FOXO3: variants seen among roughly 807,000 people sequenced by gnomAD.
FOXO3 encodes forkhead box protein O3.
In FOXO3, 4 loss-of-function variants were observed where a neutral mutation model predicts 41.9. That is an observed-to-expected ratio of 0.10 (90% CI 0.05 to 0.22). The LOEUF (loss-of-function observed/expected upper bound fraction) is 0.22. FOXO3 is among the 10% of genes least tolerant of loss of function. The pLI, the probability that FOXO3 is intolerant of heterozygous loss-of-function variation, is 1.00. For missense variants in FOXO3, 534 were observed against 906.8 expected, an observed-to-expected ratio of 0.59 and a Z score of 5.28; for synonymous variants, 318 against 389.3, an observed-to-expected ratio of 0.82 and a Z score of 2.16.
Position 108,561,540 on chromosome 6 carries a change from G to A in FOXO3, c.332G>A (p.Gly111Glu). The A allele has an allele frequency of 7.0e-7, 1 of 1,438,526 alleles. No homozygotes were observed. Among genetic ancestry groups the A allele is most frequent in the Non-Finnish European group, 9.1e-7 (1 of 1,104,286 alleles). The allele number at this position is 1,438,526 out of a possible 1,614,324, so 89.1% of individuals were successfully genotyped here. ...LAPGGQDPGS[G>E]PATAAGGLSG... is the part of the protein sequence containing the mutation. Reference sequence around the variant, plus strand: ...CCCGGAGGGCAAGACCCCGGGTCTGGGCCAGCCACCGCGGCGGGCGGGCTG... The same window carrying A: ...CCCGGAGGGCAAGACCCCGGGTCTGAGCCAGCCACCGCGGCGGGCGGGCTG... The change falls in exon 1 of 3, where the codon GGG (glycine) becomes GAG (glutamate). Residue 111 changes from glycine to glutamate, a missense_variant. Gly to Glu is a moderately conservative substitution (Grantham distance 98). Transcript: ENST00000406360.
chr6:108,666,502 AT>A (rs772194341), intron 2 of FOXO3, among the ~76,000 whole-genome samples: 565 of 141,338 alleles, frequency 4.0e-3, no homozygotes, highest in Middle Eastern at 3.8e-3. Flanking sequence ...CGCCTGGCTA[AT>A]TTTTTTTTTT....
chr6:108,561,390 A>G lies in FOXO3; in HGVS notation c.182A>G (p.Glu61Gly). 6.5e-7 allele frequency: 1 copy of G among 1,550,098 alleles called. No individual in the cohort carries two copies. Among genetic ancestry groups the G allele is most frequent in the Non-Finnish European group, 8.7e-7 (1 of 1,149,600 alleles). ...TAADSMIPEE[E>G]DDEDDEDGGG... is the part of the protein sequence containing the mutation. Reference sequence around the variant, plus strand: ...GCCGACTCCATGATCCCCGAGGAGGAGGACGATGAAGACGACGAGGACGGC... The same window carrying G: ...GCCGACTCCATGATCCCCGAGGAGGGGGACGATGAAGACGACGAGGACGGC... Residue 61 changes from glutamate to glycine, a missense_variant, in exon 1 of 3, where the codon GAG (glutamate) becomes GGG (glycine). By Grantham distance (98) the Glu-to-Gly change is moderately conservative. Around this residue, in one of 8 missense-constraint regions of FOXO3, gnomAD observed 139 missense variants for 163.7 expected, o/e 0.85. Transcript: ENST00000406360.
chr6:108,602,421 C>T (rs1300192688), intron 1 of FOXO3, among the ~76,000 whole-genome samples: 2 of 152,140 alleles, frequency 1.3e-5, no homozygotes, highest in Non-Finnish European at 2.9e-5. Context: ...TTTCCAATCC[C>T]ACTTGGCCTA....
At chr6:108,562,838 C>T (rs1208097206) in intron 1 of FOXO3, among the ~76,000 whole-genome samples, 1 of 152,088 alleles carries the variant, frequency 6.6e-6, no homozygotes, top group East Asian at 1.9e-4. Flanking sequence ...ACTCCTCTGC[C>T]CCTGCTGGGC....
At chr6:108,617,717 TG>T (rs1018214923) in intron 1 of FOXO3, among the ~76,000 whole-genome samples, 11 of 151,490 alleles carry the variant, frequency 7.3e-5, no homozygotes, top group African/African-American at 2.7e-4. Flanking sequence ...TAATGGAGAG[TG>T]GGGGTGTTTT....
chr6:108,565,702 T>C (rs907969884), intron 1 of FOXO3, among the ~76,000 whole-genome samples: 1 of 152,216 alleles, frequency 6.6e-6, no homozygotes, highest in African/African-American at 2.4e-5. Flanking sequence ...CATGTAAGAA[T>C]GTGTATTGTT....
At chr6:108,632,878 G>A (rs1381212559) in intron 1 of FOXO3, among the ~76,000 whole-genome samples, 1 of 152,162 alleles carries the variant, frequency 6.6e-6, no homozygotes, top group East Asian at 1.9e-4. Context: ...TGGTTTATGT[G>A]TGTTTTATAA....
intron 1 of FOXO3, among the ~76,000 whole-genome samples, chr6:108,643,087 A>G (rs1295124529): frequency 2.0e-5 from 3 of 152,246 alleles, no homozygotes; most frequent in African/African-American, 7.2e-5. Flanking sequence ...TTCCAAATCC[A>G]AAGAGACTAA....
intron 1 of FOXO3, among the ~76,000 whole-genome samples, chr6:108,636,581 A>G (rs1026358918): frequency 8.5e-5 from 13 of 152,098 alleles, no homozygotes; most frequent in Non-Finnish European, 1.5e-4. Flanking sequence ...GAAGGCGGTG[A>G]CTAGACCAGA....
intron 2 of FOXO3, among the ~76,000 whole-genome samples, chr6:108,665,437 A>G (rs953144241): frequency 6.6e-6 from 1 of 152,200 alleles, no homozygotes; most frequent in African/African-American, 2.4e-5. Flanking sequence ...TCTTTCATAT[A>G]TGAATATTTC....
At chr6:108,572,959 A>T in intron 1 of FOXO3, among the ~76,000 whole-genome samples, 1 of 150,694 alleles carries the variant, frequency 6.6e-6, no homozygotes, top group Non-Finnish European at 1.5e-5. Flanking sequence ...TGTCTCCTGG[A>T]GTGTGGGTGG....
rs1443534297 is a variant in FOXO3 at position 108,683,336 on chromosome 6, T to C, written c.*3544T>C. The stretch of plus-strand genomic sequence containing the variant: ...TCCAAACTTGTACGCAGTTTAAAGA[T>C]GGTGGGGACAGACTTTGCCTCTACC... On this transcript the variant is annotated 3_prime_UTR_variant, in exon 3 of 3. Coordinates refer to ENST00000406360, the MANE Select transcript of FOXO3 (RefSeq NM_001455.4). 7 of 152,190 alleles carry C rather than the reference T, an allele frequency of 4.6e-5. No homozygotes were observed. Among genetic ancestry groups the C allele is most frequent in the Non-Finnish European group, 1.0e-4 (7 of 68,044 alleles). 9.4% of individuals were successfully genotyped at this position (152,190 alleles called of 1,614,324 possible). A position where few individuals can be genotyped will look rare whatever the true frequency, so the allele number is the denominator to read the frequency against.
chr6:108,678,890 T>TTTTTTTA (rs368405598), intron 2 of FOXO3, among the ~76,000 whole-genome samples: 1 of 115,416 alleles, frequency 8.7e-6, no homozygotes, highest in Non-Finnish European at 1.8e-5. Flanking sequence ...TTTTTTTTTT[T>TTTTTTTA]TGAGACGGAG....
chr6:108,578,007 G>T (rs1173369879), intron 1 of FOXO3, among the ~76,000 whole-genome samples: 1 of 152,164 alleles, frequency 6.6e-6, no homozygotes, highest in African/African-American at 2.4e-5. Context: ...AGAAGAGATG[G>T]TGCTGTTTTA....
In FOXO3 at chr6:108,642,320, GGCTCAA is replaced by G. The variant is rs369433743; in HGVS notation, c.622-21133_622-21128del. On this transcript the variant is annotated intron_variant, in intron 1 of 2. Coordinates refer to ENST00000406360, the MANE Select transcript of FOXO3 (RefSeq NM_001455.4). ...TGCCAAGACTGATATCAAACTCCTG[GGCTCAA>G]GTGATCCTCTATCCTTGACCTCCCA... 9.3e-4 allele frequency among the ~76,000 whole-genome samples: 142 copies of G among 152,078 alleles called. 1 individual carries two copies. The highest frequency in any genetic ancestry group is 8.7e-3 in the South Asian group (42 of 4,812).
intron 1 of FOXO3, among the ~76,000 whole-genome samples, chr6:108,585,022 CT>C (rs1159028928): frequency 3.0e-3 from 153 of 51,486 alleles, no homozygotes; most frequent in African/African-American, 0.011. Context: ...TCTCCAAAAT[CT>C]TTTTTTTTTT....
At chr6:108,635,037 A>G (rs867285969) in intron 1 of FOXO3, among the ~76,000 whole-genome samples, 1 of 151,726 alleles carries the variant, frequency 6.6e-6, no homozygotes, top group African/African-American at 2.4e-5. Context: ...GGTGGCTCAC[A>G]CCTGTAATCC....
At position 108,562,439 on chromosome 6, in the gene FOXO3, AC is replaced by A. The variant is rs971429726; in HGVS notation, c.621+612del. Among the ~76,000 whole-genome samples the A allele has an allele frequency of 6.0e-5, 9 of 150,490 alleles. No homozygotes were observed. In the East Asian group the frequency reaches 1.8e-3, roughly 30 times the overall value. The stretch of plus-strand genomic sequence containing the variant: ...GCTTCCTTTCCTTGCCTATATTGAT[AC>A]CTTTTCTTCTCGGAGATGTCGCTCC... On this transcript the variant is annotated intron_variant, in intron 1 of 2. Transcript: ENST00000406360.
At chr6:108,657,980 C>A (rs1301766490) in intron 1 of FOXO3, among the ~76,000 whole-genome samples, 4 of 152,178 alleles carry the variant, frequency 2.6e-5, no homozygotes, top group African/African-American at 2.4e-5. Flanking sequence ...TGTGAAACCC[C>A]CCTCTGGGCC....
Sources: gnomAD v4.1 joint callset for allele counts (sites outside exome capture counted in the v4.1 genomes callset) on GRCh38, gnomAD v4.1.1 for gene constraint, gnomAD v4.1.1 regional missense constraint, MANE v1.5 for transcripts, NCBI Gene and HGNC (gene_info 2026-07-23, HGNC 2026-07-21) for gene names.